Variants in PTPRD observed in about 807,000 individuals in gnomAD.
PTPRD encodes the protein receptor-type tyrosine-protein phosphatase delta.
A neutral mutation model predicts 214.5 loss-of-function variants in PTPRD; 34 were observed. That is an observed-to-expected ratio of 0.16 (90% CI 0.12 to 0.21). The LOEUF is 0.21. Ranked by LOEUF, PTPRD falls within the 10% of genes least tolerant of loss-of-function variation. PTPRD has a pLI of 1.00. For missense variants in PTPRD, 2,545 were observed against 2,398.7 expected (o/e 1.06, Z -1.27); for synonymous variants, 1,128 against 845.7 (o/e 1.33, Z -5.79).
At chr9:9,650,419 A>G (rs968552210) in intron 7 of PTPRD, among the ~76,000 whole-genome samples, 5 of 152,296 alleles carry the variant, frequency 3.3e-5, no homozygotes, top group African/African-American at 9.6e-5. Flanking sequence ...CTACTTGATT[A>G]TGGTGGATAA....
chr9:8,456,601 G>C (rs1021251367), intron 33 of PTPRD, among the ~76,000 whole-genome samples: 1 of 152,060 alleles, frequency 6.6e-6, no homozygotes, highest in African/African-American at 2.4e-5. Flanking sequence ...TCCTTGATGA[G>C]GGCTTGGAAC....
intron 10 of PTPRD, among the ~76,000 whole-genome samples, chr9:9,078,126 T>C (rs1423478922): frequency 1.3e-5 from 2 of 152,052 alleles, no homozygotes; most frequent in African/African-American, 2.4e-5. Flanking sequence ...TTATTGGCTT[T>C]GGAATACAAA....
rs761210510 is a variant in PTPRD, at chr9:9,355,972, A to C, written c.-203+41477T>G. Reference sequence around the variant, plus strand: ...GTGTCAAATGCTACCAGTAAGATTAAACAAAATGGGTCCAGAGACTAGAGC... The same window carrying C: ...GTGTCAAATGCTACCAGTAAGATTACACAAAATGGGTCCAGAGACTAGAGC... On this transcript the variant is annotated intron_variant, in intron 9 of 45. Transcript: ENST00000381196. 1.3e-4 allele frequency among the ~76,000 whole-genome samples: 19 copies of C among 151,566 alleles called. No homozygotes were observed. The Middle Eastern group carries it at 0.01, about 81-fold the overall frequency.
At position 10,477,413 on chromosome 9, in the gene PTPRD, A is replaced by G. The variant is rs147477051; in HGVS notation, c.-600+134985T>C. Among the ~76,000 whole-genome samples, 1,192 of 152,310 alleles carry G rather than the reference A, an allele frequency of 7.8e-3. 18 individuals are homozygous for G. The highest frequency in any genetic ancestry group is 0.025 in the African/African-American group (1,051 of 41,560). On this transcript the variant is annotated intron_variant, in intron 2 of 45. Coordinates refer to ENST00000381196, the MANE Select transcript of PTPRD (RefSeq NM_002839.4). ...CATCAGTGGTCATCAGAGAAATGCA[A>G]ATCAAAACCACAATGAGATACCATC...
At chr9:9,676,145 C>G (rs1420801009) in intron 7 of PTPRD, among the ~76,000 whole-genome samples, 1 of 151,798 alleles carries the variant, frequency 6.6e-6, no homozygotes, top group East Asian at 1.9e-4. Context: ...TTTTATTATA[C>G]TTTAAGTTTT....
intron 5 of PTPRD, among the ~76,000 whole-genome samples, chr9:9,934,184 C>T (rs2088114191): frequency 6.8e-6 from 1 of 147,550 alleles, no homozygotes; most frequent in African/African-American, 2.6e-5. Flanking sequence ...AAAGCAAGAG[C>T]AAACACATTC....
At chr9:9,760,914 G>A (rs1214859869) in intron 6 of PTPRD, among the ~76,000 whole-genome samples, 3 of 152,076 alleles carry the variant, frequency 2.0e-5, no homozygotes, top group Non-Finnish European at 4.4e-5. Context: ...ATGCTGGCAG[G>A]GATACAGAGA....
intron 12 of PTPRD, among the ~76,000 whole-genome samples, chr9:8,656,246 T>A (rs1377282037): frequency 6.6e-6 from 1 of 152,204 alleles, no homozygotes; most frequent in Non-Finnish European, 1.5e-5. Context: ...CTCCAGATGA[T>A]CTTTTAGCAT....
intron 9 of PTPRD, among the ~76,000 whole-genome samples, chr9:9,245,297 C>T (rs1264817772): frequency 2.0e-5 from 3 of 151,944 alleles, no homozygotes; most frequent in African/African-American, 4.8e-5. Flanking sequence ...ATAAATCATG[C>T]TGCTATGAAG....
Position 8,518,299 on chromosome 9 carries a change from C to G in PTPRD, c.1092G>C (p.Glu364Asp), listed in dbSNP as rs2138569569. 6.2e-7 allele frequency: 1 copy of G among 1,614,114 alleles called. No homozygotes were observed. Among genetic ancestry groups the G allele is most frequent in the Non-Finnish European group, 8.5e-7 (1 of 1,180,004 alleles). ...YIIQHKPKNS[E>D]ELYKEIDGVA... The stretch of plus-strand genomic sequence containing the variant: ...CCCCATCAATTTCTTTGTAAAGTTC[C>G]TCAGAGTTTTTAGGTTTATGCTGAA... The change falls in exon 21 of 46, where the codon GAG becomes GAC. Residue 364 changes from glutamate to aspartate, a missense_variant. Physicochemically the swap from Glu to Asp is conservative, Grantham distance 45. Coordinates refer to ENST00000381196, the MANE Select transcript of PTPRD (RefSeq NM_002839.4).
intron 3 of PTPRD, among the ~76,000 whole-genome samples, chr9:10,262,895 T>C (rs1277483698): frequency 6.6e-6 from 1 of 152,132 alleles, no homozygotes; most frequent in Non-Finnish European, 1.5e-5. Context: ...CCACATGTTG[T>C]GGGAGGGACC....
chr9:10,494,191 G>A (rs1198642360), intron 2 of PTPRD, among the ~76,000 whole-genome samples: 1 of 151,676 alleles, frequency 6.6e-6, no homozygotes, highest in Non-Finnish European at 1.5e-5. Flanking sequence ...ATTTTTATAA[G>A]CAATATCCTC....
At chr9:8,918,559 G>A (rs768676171) in intron 11 of PTPRD, among the ~76,000 whole-genome samples, 19 of 152,124 alleles carry the variant, frequency 1.2e-4, no homozygotes, top group Non-Finnish European at 2.8e-4. Context: ...GAGAGAGTGT[G>A]TGTGTATGTG....
At chr9:9,776,818 G>C (rs1020134718) in intron 5 of PTPRD, among the ~76,000 whole-genome samples, 1 of 151,880 alleles carries the variant, frequency 6.6e-6, no homozygotes, top group Admixed American at 6.6e-5. Flanking sequence ...TCCAACAACT[G>C]CTCACTTCCA....
chr9:8,597,418 T>G (rs1324696594), intron 14 of PTPRD, among the ~76,000 whole-genome samples: 1 of 152,158 alleles, frequency 6.6e-6, no homozygotes, highest in Non-Finnish European at 1.5e-5. Context: ...TTTAAAATTA[T>G]TCATATACCT....
chr9:10,225,279 G>T (rs1157511594), intron 3 of PTPRD, among the ~76,000 whole-genome samples: 2 of 151,926 alleles, frequency 1.3e-5, no homozygotes, highest in East Asian at 3.9e-4. Context: ...AATCACAAAT[G>T]TTAAGTATAT....
intron 14 of PTPRD, among the ~76,000 whole-genome samples, chr9:8,544,077 T>A (rs1277856750): frequency 6.6e-6 from 1 of 151,920 alleles, no homozygotes; most frequent in African/African-American, 2.4e-5. Context: ...TTTTTGGGGG[T>A]TGAAGGTTCA....
At chr9:10,376,817 T>C (rs532855608) in intron 2 of PTPRD, among the ~76,000 whole-genome samples, 1 of 152,104 alleles carries the variant, frequency 6.6e-6, no homozygotes, top group African/African-American at 2.4e-5. Context: ...CATGAGATGT[T>C]TTGATACAGA....
chr9:8,669,376 T>C (rs930040542), intron 12 of PTPRD, among the ~76,000 whole-genome samples: 1 of 152,140 alleles, frequency 6.6e-6, no homozygotes, highest in Non-Finnish European at 1.5e-5. Flanking sequence ...ACTTCTGCTA[T>C]AGAGATTTCT....
Sources: allele counts gnomAD v4.1 joint callset (sites outside exome capture counted in the v4.1 genomes callset), GRCh38; gene constraint gnomAD v4.1.1; transcripts MANE v1.5; gene names NCBI Gene and HGNC (gene_info 2026-07-23, HGNC 2026-07-21).